DOCK10: variants seen among roughly 807,000 people sequenced by gnomAD.
The protein encoded by DOCK10 is dedicator of cytokinesis 10.
Under a neutral mutation model 280.1 loss-of-function variants are expected in DOCK10, and 145 were observed. That is an observed-to-expected ratio of 0.52 (90% CI 0.45 to 0.59). The LOEUF (loss-of-function observed/expected upper bound fraction) is 0.59. Ranked by LOEUF, DOCK10 falls within the 20% of genes least tolerant of loss-of-function variation. The pLI is 0.00. For missense variants in DOCK10, 2,368 were observed against 2,651.7 expected, an observed-to-expected ratio of 0.89 and a Z score of 2.35; for synonymous variants, 915 against 942.2, an observed-to-expected ratio of 0.97 and a Z score of 0.53.
intron 3 of DOCK10, among the ~76,000 whole-genome samples, chr2:224,903,805 T>C (rs886550393): frequency 6.6e-6 from 1 of 152,186 alleles, no homozygotes; most frequent in African/African-American, 2.4e-5. Flanking sequence ...GGATTTTTAT[T>C]GTGGAGAAGG....
At chr2:225,003,650 T>C (rs1706496181) in intron 1 of DOCK10, among the ~76,000 whole-genome samples, 1 of 152,226 alleles carries the variant, frequency 6.6e-6, no homozygotes, top group African/African-American at 2.4e-5. Context: ...TTTTATCTAA[T>C]AGTAGTATTT....
At chr2:224,902,991 G>T (rs34376275) in intron 3 of DOCK10, among the ~76,000 whole-genome samples, 2,537 of 145,350 alleles carry the variant, frequency 0.017, 38 homozygotes, top group Non-Finnish European at 0.024. Flanking sequence ...CCAGCTACTC[G>T]GGAGGCTGAG....
At chr2:224,831,806 T>G (rs545381976) in intron 26 of DOCK10, among the ~76,000 whole-genome samples, 2 of 152,276 alleles carry the variant, frequency 1.3e-5, no homozygotes, top group African/African-American at 4.8e-5. Flanking sequence ...CATCAAGACC[T>G]GTCCTCTGGA....
intron 27 of DOCK10, among the ~76,000 whole-genome samples, chr2:224,825,686 C>G (rs1192805162): frequency 6.6e-6 from 1 of 152,238 alleles, no homozygotes; most frequent in African/African-American, 2.4e-5. Flanking sequence ...CCTACTCTCA[C>G]TCTGAACCCA....
At chr2:224,959,437 CTTTTTTTTT>C (rs55894832) in intron 1 of DOCK10, among the ~76,000 whole-genome samples, 2 of 142,314 alleles carry the variant, frequency 1.4e-5, no homozygotes, top group Non-Finnish European at 3.0e-5. Flanking sequence ...TTATTATTTT[CTTTTTTTTT>C]TTTTTTTTAC....
At chr2:224,910,834 T>A (rs991345436) in intron 3 of DOCK10, among the ~76,000 whole-genome samples, 1 of 152,182 alleles carries the variant, frequency 6.6e-6, no homozygotes, top group Non-Finnish European at 1.5e-5. Flanking sequence ...TCCCATCCTA[T>A]GAAGCACAGG....
chr2:224,840,148 A>T (rs1249945535), intron 23 of DOCK10, 76 bp from the exon 24 acceptor site: 2 of 651,436 alleles, frequency 3.1e-6, no homozygotes, highest in Non-Finnish European at 5.2e-6. Context: ...TGAAACTATA[A>T]ATCTATGAGA....
At chr2:225,036,153 C>G (rs1690254609) in intron 1 of DOCK10, among the ~76,000 whole-genome samples, 1 of 152,102 alleles carries the variant, frequency 6.6e-6, no homozygotes, top group Non-Finnish European at 1.5e-5. Context: ...CACCGTACAA[C>G]CTAGAGTGAG....
intron 11 of DOCK10, among the ~76,000 whole-genome samples, chr2:224,869,937 G>A (rs1238393383): frequency 6.6e-6 from 1 of 152,224 alleles, no homozygotes; most frequent in African/African-American, 2.4e-5. Flanking sequence ...GTCAAAAAAA[G>A]CATCTATTTT....
At chr2:224,848,105 G>A (rs1054118239) in intron 19 of DOCK10, among the ~76,000 whole-genome samples, 12 of 152,172 alleles carry the variant, frequency 7.9e-5, no homozygotes, top group Non-Finnish European at 1.2e-4. Context: ...TCTGGAAGCT[G>A]GAAAAGGAGA....
At position 224,936,299 on chromosome 2, in the gene DOCK10, G is replaced by A. The variant is rs934992758; in HGVS notation, c.124-4631C>T. ...GGCTTTTCTTTTTGGAAAACACGAA[G>A]TGGCTGGAGTTCATGATCAAGATGG... is the stretch of plus-strand genomic sequence containing the variant. On this transcript the variant is annotated intron_variant, in intron 1 of 55. Transcript: ENST00000258390. Among the ~76,000 whole-genome samples the A allele has an allele frequency of 7.9e-5, 12 of 152,112 alleles. No homozygotes were observed. The East Asian group carries it at 2.3e-3, about 29-fold the overall frequency.
At chr2:224,865,478 GT>G (rs1697846205) in intron 11 of DOCK10, among the ~76,000 whole-genome samples, 1 of 152,190 alleles carries the variant, frequency 6.6e-6, no homozygotes, top group Admixed American at 6.5e-5. Context: ...CCACATCTCT[GT>G]TTTTTATCAC....
At chr2:225,029,243 C>T (rs1239520286) in intron 1 of DOCK10, among the ~76,000 whole-genome samples, 2 of 152,232 alleles carry the variant, frequency 1.3e-5, no homozygotes, top group Non-Finnish European at 2.9e-5. Flanking sequence ...ACAATCTCGG[C>T]TCACTGCAAA....
intron 1 of DOCK10, among the ~76,000 whole-genome samples, chr2:224,940,521 T>C (rs754925474): frequency 2.0e-5 from 3 of 152,360 alleles, no homozygotes; most frequent in Middle Eastern, 6.8e-3. Context: ...GGTAAACTCC[T>C]GAATTACCAG....
chr2:224,804,173 T>A lies in DOCK10; in HGVS notation c.4207A>T (p.Asn1403Tyr). 1 of 1,612,244 alleles carries A rather than the reference T, an allele frequency of 6.2e-7. No homozygotes were observed. Among genetic ancestry groups the A allele is most frequent in the East Asian group, 2.2e-5 (1 of 44,836 alleles). Residue 1403 changes from asparagine (N) to tyrosine (Y), a missense_variant, in exon 39 of 56, where the codon AAC (asparagine) becomes TAC (tyrosine). By Grantham distance (143) the Asn-to-Tyr change is moderately radical (BLOSUM62 -2). Around this residue, in one of 2 missense-constraint regions of DOCK10, gnomAD observed 1,159 missense variants for 1,400.8 expected, o/e 0.83. Transcript: ENST00000258390. The stretch of plus-strand genomic sequence containing the variant: ...TTGGATCCTTTGAGAGTTCCATTGT[T>A]CTGGGTGGACTGCACAAATTTAAAT... ...AAFKFVQSTQ[N>Y]NGTLKGSNPS...
intron 19 of DOCK10, among the ~76,000 whole-genome samples, chr2:224,846,817 A>G (rs772784860): frequency 6.6e-6 from 1 of 152,026 alleles, no homozygotes; most frequent in Non-Finnish European, 1.5e-5. Context: ...TAACTTTTTG[A>G]TTTTTGTTGT....
At position 224,919,854 on chromosome 2, in the gene DOCK10, G is replaced by C. The variant is rs944182789; in HGVS notation, c.244-3070C>G. ...AGAGACATCAATGATGAAAATGAAT[G>C]CTCGCCCTAAAGCACAGCTGTGGAC... On this transcript the variant is annotated intron_variant, in intron 2 of 55. Coordinates refer to ENST00000258390, the MANE Select transcript of DOCK10 (RefSeq NM_014689.3). 3.3e-5 allele frequency among the ~76,000 whole-genome samples: 5 copies of C among 152,106 alleles called. No individual in the cohort carries two copies. In the East Asian group the frequency reaches 9.6e-4, roughly 29 times the overall value.
rs74753629 is a variant in DOCK10 at position 224,928,697 on chromosome 2, G to A, written c.243+2852C>T. On this transcript the variant is annotated intron_variant, in intron 2 of 55. Transcript: ENST00000258390. ...ATTAAAATTTAGCCATTTGGAGGAT[G>A]TGACATTTGCTGATAGTAAGGATTA... is the stretch of plus-strand genomic sequence containing the variant. 5.4e-3 allele frequency among the ~76,000 whole-genome samples: 821 copies of A among 152,324 alleles called. 5 individuals are homozygous for A. Among genetic ancestry groups the A allele is most frequent in the African/African-American group, 0.018 (768 of 41,566 alleles).
chr2:224,912,933 G>A (rs1388087456), intron 3 of DOCK10, among the ~76,000 whole-genome samples: 1 of 152,122 alleles, frequency 6.6e-6, no homozygotes, highest in African/African-American at 2.4e-5. Flanking sequence ...GGCTAAAGCA[G>A]GAAAATCGCT....
Sources: gnomAD v4.1 joint callset for allele counts (sites outside exome capture counted in the v4.1 genomes callset) on GRCh38, gnomAD v4.1.1 for gene constraint, gnomAD v4.1.1 regional missense constraint, MANE v1.5 for transcripts, NCBI Gene and HGNC (gene_info 2026-07-23, HGNC 2026-07-21) for gene names.